Variants in SMIM14 observed in about 807,000 individuals in gnomAD.
SMIM14 encodes small integral membrane protein 14.
In SMIM14, 5 loss-of-function variants were observed where a neutral mutation model predicts 12.6. The observed-to-expected ratio is 0.40, with a 90% CI of 0.21 to 0.83. The LOEUF is 0.83. Among genes scored for constraint, SMIM14 ranks in the 40% least tolerant of loss-of-function variants. SMIM14 has a pLI of 0.37. For missense variants in SMIM14, 86 were observed against 119.1 expected, an observed-to-expected ratio of 0.72 and a Z score of 1.29; for synonymous variants, 30 against 40.1, an observed-to-expected ratio of 0.75 and a Z score of 0.95.
chr4:39,597,804 T>C (rs1000378048), intron 2 of SMIM14, among the ~76,000 whole-genome samples: 4 of 152,162 alleles, frequency 2.6e-5, no homozygotes, highest in Non-Finnish European at 4.4e-5. Flanking sequence ...GGTCCTTTTA[T>C]TTTCTTCAAC....
At chr4:39,580,768 G>A (rs544908852) in intron 2 of SMIM14, among the ~76,000 whole-genome samples, 3 of 151,162 alleles carry the variant, frequency 2.0e-5, no homozygotes, top group East Asian at 2.0e-4. Context: ...CTCATGATCC[G>A]CCCACCTCAG....
intron 1 of SMIM14, among the ~76,000 whole-genome samples, chr4:39,635,228 TG>T (rs1427885434): frequency 6.6e-6 from 1 of 151,930 alleles, no homozygotes; most frequent in African/African-American, 2.4e-5. Flanking sequence ...AAAATGCAAG[TG>T]GGATTAGAAT....
At chr4:39,582,894 A>G (rs1185746328) in intron 2 of SMIM14, among the ~76,000 whole-genome samples, 2 of 151,944 alleles carry the variant, frequency 1.3e-5, no homozygotes, top group African/African-American at 2.4e-5. Flanking sequence ...TCCCGGGTCC[A>G]AAATTCTCGT....
At chr4:39,571,941 C>A (rs1474924748) in intron 3 of SMIM14, among the ~76,000 whole-genome samples, 3 of 151,792 alleles carry the variant, frequency 2.0e-5, no homozygotes, top group Non-Finnish European at 4.4e-5. Context: ...GTAGCTGGGG[C>A]TGCAGGCATG....
At chr4:39,601,415 G>A (rs1209233730) in intron 2 of SMIM14, among the ~76,000 whole-genome samples, 1 of 152,122 alleles carries the variant, frequency 6.6e-6, no homozygotes, top group Admixed American at 6.6e-5. Flanking sequence ...TGAATTAAAT[G>A]TCCATTTTTA....
chr4:39,610,128 C>A (rs138235024), intron 1 of SMIM14, among the ~76,000 whole-genome samples: 4 of 152,040 alleles, frequency 2.6e-5, no homozygotes, highest in African/African-American at 7.3e-5. Context: ...GTAGCTGGGA[C>A]CACAGGTACA....
chr4:39,576,685 T>TATATATATATA lies in SMIM14; in HGVS notation c.76-4223_76-4222insTATATATATAT, dbSNP rs1491465219. 9.1e-3 allele frequency among the ~76,000 whole-genome samples: 42 copies of TATATATATATA among 4,634 alleles called. 1 individual carries two copies. The highest frequency in any genetic ancestry group is 0.016 in the African/African-American group (14 of 888). The allele number at this position is 4,634 out of a possible 152,430, so 3.0% of individuals were successfully genotyped here. A position where few individuals can be genotyped will look rare whatever the true frequency, so the allele number is the denominator to read the frequency against. On this transcript the variant is annotated intron_variant, in intron 2 of 4. Transcript: ENST00000295958. ...GTATATATATATATATATATATATA[T>TATATATATATA]TTTTTTTTTTTTTTTTTTTTTTTTT...
At chr4:39,580,246 A>G (rs1578329186) in intron 2 of SMIM14, among the ~76,000 whole-genome samples, 1 of 152,106 alleles carries the variant, frequency 6.6e-6, no homozygotes, top group Admixed American at 6.6e-5. Flanking sequence ...TGGCTTGATT[A>G]CAACTCACCT....
chr4:39,572,042 G>A (rs367694899), intron 3 of SMIM14, among the ~76,000 whole-genome samples: 3 of 151,994 alleles, frequency 2.0e-5, no homozygotes, highest in African/African-American at 7.2e-5. Context: ...GGACTCAAAC[G>A]ATCCACCGGC....
rs1011678870 is a variant in SMIM14 at position 39,605,092 on chromosome 4, T to C, written c.54A>G (p.Ala18=). ...TCACCAGATTGATCAGTCTTCTCAT[T>C]GCATGTTCATGAGAGCAAACACATT... ...PCECVCSHEH[A]MRRLINLLRQ... Residue 18 remains alanine, a synonymous_variant, in exon 2 of 5, where the codon GCA becomes GCG. Coordinates refer to ENST00000295958, the MANE Select transcript of SMIM14 (RefSeq NM_174921.3). 3.7e-6 allele frequency: 6 copies of C among 1,608,086 alleles called. No individual in the cohort carries two copies. In the African/African-American group the frequency reaches 4.0e-5, roughly 11 times the overall value.
intron 2 of SMIM14, among the ~76,000 whole-genome samples, chr4:39,588,698 A>G (rs1713911031): frequency 6.6e-6 from 1 of 152,104 alleles, no homozygotes; most frequent in South Asian, 2.1e-4. Flanking sequence ...AGATCTGGGA[A>G]GATACACACC....
intron 4 of SMIM14, among the ~76,000 whole-genome samples, chr4:39,555,242 T>C (rs1375479271): frequency 6.6e-6 from 1 of 151,898 alleles, no homozygotes; most frequent in Non-Finnish European, 1.5e-5. Flanking sequence ...AGAGGTTCTT[T>C]TTTTTTTTGA....
intron 2 of SMIM14, among the ~76,000 whole-genome samples, chr4:39,586,534 T>C (rs1479337376): frequency 6.6e-6 from 1 of 152,094 alleles, no homozygotes; most frequent in Admixed American, 6.5e-5. Flanking sequence ...TGATTATTTA[T>C]GTATTCTGTA....
chr4:39,616,263 G>T (rs894988906), intron 1 of SMIM14, among the ~76,000 whole-genome samples: 2 of 152,136 alleles, frequency 1.3e-5, no homozygotes, highest in Non-Finnish European at 2.9e-5. Flanking sequence ...AGCCTCCCAA[G>T]TAATTGGGAA....
At chr4:39,633,573 C>T (rs1017440710) in intron 1 of SMIM14, among the ~76,000 whole-genome samples, 10 of 152,212 alleles carry the variant, frequency 6.6e-5, no homozygotes, top group South Asian at 2.1e-4. Flanking sequence ...GAATTCCATA[C>T]CAACCTGAGC....
chr4:39,635,681 TAG>T (rs1485378993), intron 1 of SMIM14, among the ~76,000 whole-genome samples: 1 of 151,930 alleles, frequency 6.6e-6, no homozygotes, highest in East Asian at 1.9e-4. Context: ...AAAATGAAAA[TAG>T]AGATTTAAAG....
chr4:39,609,829 G>C (rs956419), intron 1 of SMIM14, among the ~76,000 whole-genome samples: 2,782 of 152,320 alleles, frequency 0.018, 105 homozygotes, highest in African/African-American at 0.062. Flanking sequence ...TAGTTAAAAT[G>C]CTCTTTCAAC....
intron 2 of SMIM14, among the ~76,000 whole-genome samples, chr4:39,588,247 A>G (rs1713884527): frequency 6.6e-6 from 1 of 152,176 alleles, no homozygotes; most frequent in Admixed American, 6.5e-5. Context: ...GGAACAATAC[A>G]CAAGAAACTG....
At chr4:39,589,593 T>C (rs1713952916) in intron 2 of SMIM14, 2 of 152,206 alleles carry the variant, frequency 1.3e-5, no homozygotes, top group Non-Finnish European at 1.5e-5. Flanking sequence ...CTAGAATTCC[T>C]ATCATTAATA....
Sources: allele counts gnomAD v4.1 joint callset (sites outside exome capture counted in the v4.1 genomes callset), GRCh38; gene constraint gnomAD v4.1.1; transcripts MANE v1.5; gene names NCBI Gene and HGNC (gene_info 2026-07-23, HGNC 2026-07-21).